The following GABRA1 variants were observed in gnomAD, a reference collection of about 807,000 sequenced individuals.
GABRA1 encodes the protein gamma-aminobutyric acid type A receptor subunit alpha1.
Under a neutral mutation model 48.9 loss-of-function variants are expected in GABRA1, and 9 were observed. That is an observed-to-expected ratio of 0.18 (90% CI 0.11 to 0.32). GABRA1 has a LOEUF of 0.32. GABRA1 is among the 10% of genes least tolerant of loss of function. GABRA1 has a pLI of 1.00. For missense variants in GABRA1, 285 were observed against 553.8 expected, an observed-to-expected ratio of 0.51 and a Z score of 4.87; for synonymous variants, 210 against 198.7, an observed-to-expected ratio of 1.06 and a Z score of -0.48.
intron 4 of GABRA1, 105 bp from the exon 5 acceptor site, chr5:161,873,012 A>C: frequency 1.2e-6 from 1 of 827,942 alleles, no homozygotes. Flanking sequence ...CACCTAGCTA[A>C]CATTATACTT....
chr5:161,895,742 A>G lies in GABRA1; in HGVS notation c.933A>G (p.Thr311=), dbSNP rs953642415. ...CCCTCCCTAAGGTGGCTTATGCAAC[A>G]GCTATGGATTGGTTTATTGCCGTGT... is the stretch of plus-strand genomic sequence containing the variant. ...RNSLPKVAYA[T]AMDWFIAVCY... The change falls in exon 9 of 10, where the codon ACA becomes ACG. Residue 311 remains threonine (T), a synonymous_variant. Coordinates refer to ENST00000393943, the MANE Select transcript of GABRA1 (RefSeq NM_001127644.2). The G allele has an allele frequency of 6.2e-7, 1 of 1,614,042 alleles. No homozygotes were observed. Among genetic ancestry groups the G allele is most frequent in the Non-Finnish European group, 8.5e-7 (1 of 1,179,974 alleles).
In GABRA1 at chr5:161,867,971, G is replaced by C. The variant is rs572901935; in HGVS notation, c.255+2183G>C. 5.9e-5 allele frequency among the ~76,000 whole-genome samples: 9 copies of C among 151,748 alleles called. No homozygotes were observed. The South Asian group carries it at 1.9e-3, about 32-fold the overall frequency. On this transcript the variant is annotated intron_variant, in intron 4 of 9. Coordinates refer to ENST00000393943, the MANE Select transcript of GABRA1 (RefSeq NM_001127644.2). The stretch of plus-strand genomic sequence containing the variant: ...GCACATGTGTTTCACATCTTTCACA[G>C]TATTAGTTCATTGTTATTTTAGAGT...
At chr5:161,888,242 T>C (rs952654401) in intron 7 of GABRA1, among the ~76,000 whole-genome samples, 6 of 152,104 alleles carry the variant, frequency 3.9e-5, no homozygotes, top group African/African-American at 1.4e-4. Context: ...CCAATTTAGG[T>C]GACTTGGTTT....
chr5:161,888,162 G>A (rs1373290470), intron 7 of GABRA1, among the ~76,000 whole-genome samples: 4 of 152,104 alleles, frequency 2.6e-5, no homozygotes, highest in Admixed American at 2.6e-4. Flanking sequence ...CCCCTAGACT[G>A]TTGAAGGAGG....
At chr5:161,892,695 A>AAACC (rs1755149255) in intron 8 of GABRA1, among the ~76,000 whole-genome samples, 1 of 151,290 alleles carries the variant, frequency 6.6e-6, no homozygotes, top group Non-Finnish European at 1.5e-5. Context: ...ACAAACAAAC[A>AAACC]AACAAAAACA....
intron 3 of GABRA1, among the ~76,000 whole-genome samples, chr5:161,862,889 A>G (rs116474757): frequency 0.02 from 3,037 of 152,018 alleles, 47 homozygotes; most frequent in Non-Finnish European, 0.031. Flanking sequence ...AGATTAAAGT[A>G]TTGCACCTAA....
At position 161,867,609 on chromosome 5, in the gene GABRA1, G is replaced by A. The variant is rs552335524; in HGVS notation, c.255+1821G>A. On this transcript the variant is annotated intron_variant, in intron 4 of 9. Transcript: ENST00000393943. ...GTTTTAAATGAGATGTGCAAATAAAGTGTCTATCAATAGTGCTCAATAAAT... is the reference window on the plus strand; with the variant it reads ...GTTTTAAATGAGATGTGCAAATAAAATGTCTATCAATAGTGCTCAATAAAT... Among the ~76,000 whole-genome samples the A allele has an allele frequency of 2.0e-5, 3 of 152,182 alleles. No homozygotes were observed. In the South Asian group the frequency reaches 6.2e-4, roughly 32 times the overall value.
At chr5:161,893,719 G>A (rs911832454) in intron 8 of GABRA1, among the ~76,000 whole-genome samples, 10 of 152,122 alleles carry the variant, frequency 6.6e-5, no homozygotes, top group African/African-American at 1.9e-4. Flanking sequence ...CCTACCAGCT[G>A]CATGGCATTG....
At position 161,887,592 on chromosome 5, in the gene GABRA1, AC is replaced by A. The variant is rs1469935056; in HGVS notation, c.704-3304del. ...TCTGAAGCAATTAAAAAACATAACC[AC>A]CACTTTCTCAATAACATTTTTGATA... On this transcript the variant is annotated intron_variant, in intron 7 of 9. Transcript: ENST00000393943. Among the ~76,000 whole-genome samples, 7 of 152,216 alleles carry A rather than the reference AC, an allele frequency of 4.6e-5. No individual in the cohort carries two copies. In the East Asian group the frequency reaches 1.4e-3, roughly 29 times the overall value.
At chr5:161,865,641 T>A in intron 3 of GABRA1, 80 bp from the exon 4 acceptor site, 1 of 1,081,994 alleles carries the variant, frequency 9.2e-7, no homozygotes, top group Non-Finnish European at 1.4e-6. Flanking sequence ...CAATTTCCCA[T>A]TTGGGTGTCA....
At position 161,865,701 on chromosome 5, in the gene GABRA1, C is replaced by T. The variant is rs747085798; in HGVS notation, c.188-20C>T. The T allele has an allele frequency of 2.5e-6, 4 of 1,609,390 alleles. No homozygotes were observed. The highest frequency in any genetic ancestry group is 1.1e-5 in the South Asian group (1 of 90,988). The stretch of plus-strand genomic sequence containing the variant: ...GGACGGTTGACAGACACTCACTCGC[C>T]CAATTTCCTGCTTCAACAGAGCGTG... On this transcript the variant is annotated intron_variant, in intron 3 of 9. Transcript: ENST00000393943.
intron 7 of GABRA1, among the ~76,000 whole-genome samples, chr5:161,887,142 T>G (rs1436324671): frequency 6.6e-6 from 1 of 152,190 alleles, no homozygotes; most frequent in Non-Finnish European, 1.5e-5. Context: ...AATTTGATTA[T>G]AAGAAAATTT....
chr5:161,855,344 T>C (rs1757607969), intron 3 of GABRA1, among the ~76,000 whole-genome samples: 1 of 151,666 alleles, frequency 6.6e-6, no homozygotes, highest in Non-Finnish European at 1.5e-5. Flanking sequence ...ATTATGGGTC[T>C]ATTTTGAAGC....
chr5:161,891,789 C>T (rs1354395821), intron 8 of GABRA1, among the ~76,000 whole-genome samples: 3 of 152,140 alleles, frequency 2.0e-5, no homozygotes, highest in Non-Finnish European at 2.9e-5. Context: ...ACAATATCTT[C>T]TAGACACAGA....
At position 161,882,442 on chromosome 5, in the gene GABRA1, C is replaced by T. The variant is rs371422690; in HGVS notation, c.560-116C>T. 129 of 993,710 alleles carry T rather than the reference C, an allele frequency of 1.3e-4. 1 individual carries two copies. Among genetic ancestry groups the T allele is most frequent in the Middle Eastern group, 9.1e-4 (4 of 4,398 alleles). 61.6% of individuals were successfully genotyped at this position (993,710 alleles called of 1,614,324 possible). A position where few individuals can be genotyped will look rare whatever the true frequency, so the allele number is the denominator to read the frequency against. The stretch of plus-strand genomic sequence containing the variant: ...ATTAAGGGACATAAGCTCATCTTTC[C>T]TAGCCTGCCCTCTGGAACCATGATA... On this transcript the variant is annotated intron_variant, in intron 6 of 9. Coordinates refer to ENST00000393943, the MANE Select transcript of GABRA1 (RefSeq NM_001127644.2).
chr5:161,875,870 T>C (rs1754327647), intron 6 of GABRA1, among the ~76,000 whole-genome samples: 1 of 152,198 alleles, frequency 6.6e-6, no homozygotes, highest in African/African-American at 2.4e-5. Context: ...AAACTAGTTA[T>C]TGAAATAATT....
chr5:161,857,940 AAAAAGGAT>A (rs1179896988), intron 3 of GABRA1, among the ~76,000 whole-genome samples: 2 of 151,326 alleles, frequency 1.3e-5, no homozygotes, highest in Non-Finnish European at 3.0e-5. Context: ...AAAATAAGGA[AAAAAGGAT>A]AAAAGTCAGA....
chr5:161,893,020 A>C (rs1405540277), intron 8 of GABRA1, among the ~76,000 whole-genome samples: 1 of 88,664 alleles, frequency 1.1e-5, no homozygotes, highest in Non-Finnish European at 2.1e-5. Context: ...AATAATAATA[A>C]TAATAATAAT....
chr5:161,870,607 AAGGAAGAAAGAAAGAC>A (rs1468483001), intron 4 of GABRA1, among the ~76,000 whole-genome samples: 2 of 131,654 alleles, frequency 1.5e-5, no homozygotes, highest in South Asian at 2.6e-4. Context: ...GAAAGAAAGA[AAGGAAGAAAGAAAGAC>A]AGACAGACAG....
Sources: gnomAD v4.1 joint callset for allele counts (sites outside exome capture counted in the v4.1 genomes callset) on GRCh38, gnomAD v4.1.1 for gene constraint, MANE v1.5 for transcripts, NCBI Gene and HGNC (gene_info 2026-07-23, HGNC 2026-07-21) for gene names.